The following SP140L variants were observed in gnomAD, a reference collection of about 807,000 sequenced individuals.
The protein encoded by SP140L is nuclear body protein SP140-like protein.
Under a neutral mutation model 84.3 loss-of-function variants are expected in SP140L, and 64 were observed. The observed-to-expected ratio is 0.76, with a 90% CI of 0.62 to 0.94. SP140L has a LOEUF of 0.94. SP140L is among the 40% of genes least tolerant of loss of function. SP140L has a pLI of 0.00. For synonymous variants in SP140L, 242 were observed against 236.9 expected, an observed-to-expected ratio of 1.02 and a Z score of -0.20; for missense variants, 628 against 692.5, an observed-to-expected ratio of 0.91 and a Z score of 1.05.
chr2:230,399,701 T>G, intron 14 of SP140L: 1 of 155,656 alleles, frequency 6.4e-6, no homozygotes, highest in African/African-American at 2.4e-5. Context: ...TGGGATGTGA[T>G]GATATCTTAG....
At chr2:230,381,173 C>T (rs529617511) in intron 7 of SP140L, among the ~76,000 whole-genome samples, 6 of 152,120 alleles carry the variant, frequency 3.9e-5, no homozygotes, top group Non-Finnish European at 7.4e-5. Flanking sequence ...CTGCCCAAAC[C>T]TTACCTCCGA....
chr2:230,368,396 A>G (rs2060953117), intron 5 of SP140L, among the ~76,000 whole-genome samples: 1 of 152,186 alleles, frequency 6.6e-6, no homozygotes, highest in Non-Finnish European at 1.5e-5. Flanking sequence ...TGCTGCTTTC[A>G]GGATCCTCTC....
chr2:230,328,703 G>A, intron 1 of SP140L, 54 bp from the exon 2 acceptor site: 5 of 1,584,310 alleles, frequency 3.2e-6, no homozygotes, highest in South Asian at 2.3e-5. Context: ...AATTGTTGAA[G>A]CAAAGGGTGC....
Position 230,327,210 on chromosome 2 carries a change from G to A in SP140L, c.-60G>A. The stretch of plus-strand genomic sequence containing the variant: ...GGGCAGCCACACTGCACGCAGGCTG[G>A]GCCGACTGGGGAGCTCATAGGCCAG... On this transcript the variant is annotated 5_prime_UTR_variant, in exon 1 of 19. Coordinates refer to ENST00000415673, the MANE Select transcript of SP140L (RefSeq NM_138402.6). The A allele has an allele frequency of 7.0e-6, 11 of 1,568,576 alleles. No individual in the cohort carries two copies. The highest frequency in any genetic ancestry group is 9.5e-6 in the Non-Finnish European group (11 of 1,154,850).
chr2:230,400,355 C>A, intron 15 of SP140L, 113 bp downstream of exon 15: 1 of 1,061,278 alleles, frequency 9.4e-7, no homozygotes, highest in South Asian at 1.5e-5. Context: ...GCAGGTTCAT[C>A]GGGTACTGGG....
chr2:230,347,132 G>T (rs1004183209), intron 2 of SP140L, among the ~76,000 whole-genome samples: 1 of 152,190 alleles, frequency 6.6e-6, no homozygotes, highest in Non-Finnish European at 1.5e-5. Flanking sequence ...AGTTGTGCAG[G>T]ATTATTGCCT....
chr2:230,375,113 A>C (rs543693940), intron 7 of SP140L, among the ~76,000 whole-genome samples: 6 of 152,378 alleles, frequency 3.9e-5, no homozygotes, highest in South Asian at 2.1e-4. Flanking sequence ...TGCTTGTAGA[A>C]TATTTGAAAT....
intron 2 of SP140L, among the ~76,000 whole-genome samples, chr2:230,354,444 A>G (rs568471879): frequency 6.6e-6 from 1 of 152,120 alleles, no homozygotes; most frequent in African/African-American, 2.4e-5. Context: ...TAAAATTAGT[A>G]GTTCATGATA....
At chr2:230,376,132 A>G (rs111349960) in intron 7 of SP140L, among the ~76,000 whole-genome samples, 1 of 152,152 alleles carries the variant, frequency 6.6e-6, no homozygotes, top group African/African-American at 2.4e-5. Context: ...GTGGATATTC[A>G]GTTTTCTTAG....
chr2:230,375,045 GT>G (rs1559440519), intron 7 of SP140L, among the ~76,000 whole-genome samples: 1 of 151,902 alleles, frequency 6.6e-6, no homozygotes, highest in African/African-American at 2.4e-5. Context: ...TGGTTTCCAG[GT>G]TTTGTGTACA....
chr2:230,366,397 AT>A (rs1374850656), intron 5 of SP140L, among the ~76,000 whole-genome samples: 1 of 151,976 alleles, frequency 6.6e-6, no homozygotes, highest in African/African-American at 2.4e-5. Flanking sequence ...TTGTTTTAGT[AT>A]TCAATTTGAA....
intron 3 of SP140L, among the ~76,000 whole-genome samples, 157 bp from the exon 4 acceptor site, chr2:230,358,807 A>G (rs767954276): frequency 6.6e-6 from 1 of 152,232 alleles, no homozygotes; most frequent in African/African-American, 2.4e-5. Context: ...TACTTCTTTC[A>G]TTACTGGCTA....
intron 1 of SP140L, among the ~76,000 whole-genome samples, chr2:230,327,689 C>T (rs1331177821): frequency 6.6e-6 from 1 of 152,218 alleles, no homozygotes; most frequent in Non-Finnish European, 1.5e-5. Context: ...AACCCTTTCA[C>T]ATCCCTCTGC....
At chr2:230,366,677 T>G (rs2060878989) in intron 5 of SP140L, among the ~76,000 whole-genome samples, 1 of 144,918 alleles carries the variant, frequency 6.9e-6, no homozygotes, top group African/African-American at 2.6e-5. Context: ...ACTATTTTGT[T>G]CATTGTTTTC....
intron 2 of SP140L, among the ~76,000 whole-genome samples, chr2:230,349,462 C>T (rs915550092): frequency 6.6e-6 from 1 of 152,032 alleles, no homozygotes; most frequent in African/African-American, 2.4e-5. Context: ...GAGAGAATTG[C>T]CAGGTTAAAT....
chr2:230,362,550 A>C (rs2060750500), intron 5 of SP140L, among the ~76,000 whole-genome samples: 1 of 152,038 alleles, frequency 6.6e-6, no homozygotes, highest in African/African-American at 2.4e-5. Context: ...AAGGAGGGGA[A>C]GTTAAAGAAA....
At chr2:230,373,483 C>T (rs2061151347) in intron 7 of SP140L, among the ~76,000 whole-genome samples, 1 of 152,192 alleles carries the variant, frequency 6.6e-6, no homozygotes, top group African/African-American at 2.4e-5. Flanking sequence ...TCTACTCTGC[C>T]TGTGCTCTAT....
At chr2:230,328,026 C>A (rs746690208) in intron 1 of SP140L, among the ~76,000 whole-genome samples, 1 of 152,128 alleles carries the variant, frequency 6.6e-6, no homozygotes. Context: ...TCTCTAGTAA[C>A]GAGTTTATAA....
chr2:230,354,922 AAAGAAAAAAG>A (rs985845600), intron 2 of SP140L, among the ~76,000 whole-genome samples: 7 of 115,188 alleles, frequency 6.1e-5, no homozygotes, highest in Non-Finnish European at 1.3e-4. Context: ...AAAGAAAAAG[AAAGAAAAAAG>A]AAAAAGAAAA....
Sources: allele counts gnomAD v4.1 joint callset (sites outside exome capture counted in the v4.1 genomes callset), GRCh38; gene constraint gnomAD v4.1.1; transcripts MANE v1.5; gene names NCBI Gene and HGNC (gene_info 2026-07-23, HGNC 2026-07-21).